RAD52: variants seen among roughly 807,000 people sequenced by gnomAD.
RAD52 encodes RAD52 DNA repair protein.
Under a neutral mutation model 55.5 loss-of-function variants are expected in RAD52, and 47 were observed. The ratio of observed to expected loss-of-function variants is 0.85; its 90% CI spans 0.67 to 1.08. RAD52 has a LOEUF of 1.08. Among genes scored for constraint, RAD52 ranks in the 50% least tolerant of loss-of-function variants. RAD52 has a pLI of 0.00. For missense variants in RAD52, 468 were observed against 522.8 expected (o/e 0.90, Z 1.02); for synonymous variants, 184 against 198.9 (o/e 0.92, Z 0.63).
chr12:986,891 C>G (rs1959093265), intron 1 of RAD52, among the ~76,000 whole-genome samples: 1 of 151,956 alleles, frequency 6.6e-6, no homozygotes, highest in South Asian at 2.1e-4. Context: ...TGAATTGGAT[C>G]TAGTGATTAC....
At chr12:950,365 T>C (rs1193208273), upstream of RAD52, among the ~76,000 whole-genome samples, 1 of 150,968 alleles carries the variant, frequency 6.6e-6, no homozygotes, top group Non-Finnish European at 1.5e-5. Context: ...AGGTCAGGAG[T>C]TCGAGACCAG....
At chr12:958,157 A>G (rs1225710890) in intron 1 of RAD52, among the ~76,000 whole-genome samples, 2 of 152,234 alleles carry the variant, frequency 1.3e-5, no homozygotes, top group African/African-American at 4.8e-5. Flanking sequence ...CTCAGGGTGC[A>G]TGACTGAGTT....
Position 912,225 on chromosome 12 carries a change from AG to A in RAD52, c.*1165del, listed in dbSNP as rs1441718891. 2.6e-5 allele frequency: 5 copies of A among 196,022 alleles called. No homozygotes were observed. Among genetic ancestry groups the A allele is most frequent in the Non-Finnish European group, 5.3e-5 (5 of 94,218 alleles). 12.1% of individuals were successfully genotyped at this position (196,022 alleles called of 1,614,324 possible). On this transcript the variant is annotated 3_prime_UTR_variant, in exon 12 of 12. Coordinates refer to ENST00000358495, the MANE Select transcript of RAD52 (RefSeq NM_134424.4). Reference sequence around the variant, plus strand: ...AATTTCTGAGCACTGACGTGATGCCAGAAGTGGAAAATTCCACACGTGACCT... The same window carrying A: ...AATTTCTGAGCACTGACGTGATGCCAAAGTGGAAAATTCCACACGTGACCT...
intron 8 of RAD52, 28 bp from the exon 9 acceptor site, chr12:916,511 G>C: frequency 6.2e-7 from 1 of 1,606,632 alleles, no homozygotes; most frequent in Non-Finnish European, 8.5e-7. Flanking sequence ...GGCGAGGACG[G>C]GCTCCTGAGC....
intron 7 of RAD52, among the ~76,000 whole-genome samples, chr12:921,111 A>C (rs1289769869): frequency 2.0e-5 from 3 of 152,100 alleles, no homozygotes; most frequent in Admixed American, 6.6e-5. Context: ...ACAACCTACC[A>C]AACTTCTGGG....
chr12:927,467 G>A (rs1025668827), intron 5 of RAD52, among the ~76,000 whole-genome samples: 14 of 152,122 alleles, frequency 9.2e-5, no homozygotes, highest in African/African-American at 3.4e-4. Context: ...CTGCGGTCAA[G>A]GTGTCAAGAC....
chr12:979,972 G>C (rs1958989769), intron 1 of RAD52, among the ~76,000 whole-genome samples: 1 of 152,046 alleles, frequency 6.6e-6, no homozygotes, highest in South Asian at 2.1e-4. Context: ...GCATGAACCT[G>C]GGAGGCAGAG....
intron 1 of RAD52, among the ~76,000 whole-genome samples, chr12:986,016 C>G (rs1959081832): frequency 6.6e-6 from 1 of 150,464 alleles, no homozygotes. Flanking sequence ...CTCACTGCAA[C>G]CTCTGCCTCC....
chr12:927,296 C>G, intron 5 of RAD52, 33 bp from the exon 6 acceptor site: 1 of 1,511,880 alleles, frequency 6.6e-7, no homozygotes, highest in South Asian at 1.1e-5. Flanking sequence ...AACTCAAACA[C>G]GAGAGCGGCA....
At chr12:979,249 G>A (rs1345776045) in intron 1 of RAD52, among the ~76,000 whole-genome samples, 1 of 152,088 alleles carries the variant, frequency 6.6e-6, no homozygotes, top group Non-Finnish European at 1.5e-5. Flanking sequence ...AGAACAACCA[G>A]GGCAACAAGG....
chr12:939,785 G>C (rs982858052), intron 1 of RAD52, among the ~76,000 whole-genome samples: 1 of 152,192 alleles, frequency 6.6e-6, no homozygotes, highest in Non-Finnish European at 1.5e-5. Context: ...AGAGAGAAGA[G>C]GGCTGGGCGC....
intron 1 of RAD52, among the ~76,000 whole-genome samples, chr12:966,949 CCT>C (rs1958778838): frequency 6.6e-6 from 1 of 151,750 alleles, no homozygotes; most frequent in African/African-American, 2.4e-5. Context: ...CTTATTTTTC[CCT>C]GTGCTGTAGT....
intron 1 of RAD52, among the ~76,000 whole-genome samples, chr12:965,172 G>A (rs1339026848): frequency 4.0e-5 from 6 of 151,880 alleles, no homozygotes; most frequent in Admixed American, 3.9e-4. Flanking sequence ...TAGAGATGGG[G>A]TTTCTCCATG....
chr12:949,453 C>A (rs1014751947), intron 1 of RAD52, 149 bp downstream of exon 1: 3 of 152,262 alleles, frequency 2.0e-5, no homozygotes, highest in Non-Finnish European at 4.4e-5. Context: ...TGAACTAGAA[C>A]AGGCCTCTGG....
At chr12:955,885 A>G (rs1958598471) in intron 1 of RAD52, among the ~76,000 whole-genome samples, 1 of 151,812 alleles carries the variant, frequency 6.6e-6, no homozygotes, top group Non-Finnish European at 1.5e-5. Context: ...GGTTCAAGCA[A>G]TTCTCCTGCC....
intron 7 of RAD52, among the ~76,000 whole-genome samples, chr12:921,586 T>C (rs546094526): frequency 3.0e-4 from 46 of 152,116 alleles, no homozygotes; most frequent in African/African-American, 1.0e-3. Flanking sequence ...CCCTCCAGCC[T>C]GCGTGGGAGG....
At chr12:948,185 G>A (rs533732569) in intron 1 of RAD52, among the ~76,000 whole-genome samples, 2 of 152,098 alleles carry the variant, frequency 1.3e-5, no homozygotes, top group South Asian at 2.1e-4. Context: ...GAATCATGAA[G>A]TGAAATAAAC....
intron 1 of RAD52, among the ~76,000 whole-genome samples, chr12:956,575 C>T (rs111964466): frequency 1.0e-3 from 152 of 152,264 alleles, no homozygotes; most frequent in South Asian, 6.0e-3. Context: ...GAGACAGAAT[C>T]TTGCTGCTTG....
At chr12:956,425 C>T (rs1958607360) in intron 1 of RAD52, among the ~76,000 whole-genome samples, 1 of 152,214 alleles carries the variant, frequency 6.6e-6, no homozygotes, top group Non-Finnish European at 1.5e-5. Flanking sequence ...ATAGCTACTC[C>T]TGATAGGAAC....
Sources: gnomAD v4.1 joint callset for allele counts (sites outside exome capture counted in the v4.1 genomes callset) on GRCh38, gnomAD v4.1.1 for gene constraint, MANE v1.5 for transcripts, NCBI Gene and HGNC (gene_info 2026-07-23, HGNC 2026-07-21) for gene names.